VPS8: variants seen among roughly 807,000 people sequenced by gnomAD.
The protein encoded by VPS8 is vacuolar protein sorting-associated protein 8 homolog.
Under a neutral mutation model 216.4 loss-of-function variants are expected in VPS8, and 129 were observed. That is an observed-to-expected ratio of 0.60 (90% confidence interval 0.52 to 0.69). VPS8 has a LOEUF of 0.69. Ranked by LOEUF, VPS8 falls within the 30% of genes least tolerant of loss-of-function variation. The pLI is 0.00. For missense variants in VPS8, 1,531 were observed against 1,683.5 expected (o/e 0.91, Z 1.59); for synonymous variants, 571 against 565.4 (o/e 1.01, Z -0.14).
At chr3:184,867,896 C>T in intron 17 of VPS8, 128 bp from the exon 18 acceptor site, 1 of 906,022 alleles carries the variant, frequency 1.1e-6, no homozygotes, top group Non-Finnish European at 1.6e-6. Context: ...CTAAGATATA[C>T]TTCTAACTGT....
chr3:185,029,651 G>A (rs758894275), intron 46 of VPS8, among the ~76,000 whole-genome samples: 7 of 150,486 alleles, frequency 4.7e-5, no homozygotes, highest in African/African-American at 1.2e-4. Flanking sequence ...TGCAACCTCC[G>A]CCTCCCAGGT....
At chr3:184,910,003 T>A (rs1405795554) in intron 25 of VPS8, among the ~76,000 whole-genome samples, 4 of 152,120 alleles carry the variant, frequency 2.6e-5, no homozygotes, top group Non-Finnish European at 5.9e-5. Context: ...TCTCCTCAGG[T>A]CATTTCTGGA....
chr3:184,917,409 C>G (rs1332453035), intron 28 of VPS8, among the ~76,000 whole-genome samples: 1 of 152,072 alleles, frequency 6.6e-6, no homozygotes, highest in Admixed American at 6.5e-5. Context: ...TCTTTTCTTC[C>G]TTCCTTCCTT....
At chr3:184,832,993 G>C (rs558599932) in intron 4 of VPS8, among the ~76,000 whole-genome samples, 174 bp downstream of exon 4, 4 of 152,158 alleles carry the variant, frequency 2.6e-5, no homozygotes, top group African/African-American at 9.6e-5. Flanking sequence ...AAAAGGGTAG[G>C]TGCTATGACC....
intron 5 of VPS8, among the ~76,000 whole-genome samples, chr3:184,836,492 C>T (rs976875191): frequency 1.3e-5 from 2 of 152,314 alleles, no homozygotes; most frequent in East Asian, 3.9e-4. Flanking sequence ...AGTTCTCCTT[C>T]CCCTTGAAGA....
At chr3:184,988,046 T>C (rs1323187401) in intron 42 of VPS8, among the ~76,000 whole-genome samples, 1 of 152,248 alleles carries the variant, frequency 6.6e-6, no homozygotes, top group Non-Finnish European at 1.5e-5. Flanking sequence ...AAGGATTCTT[T>C]GTATATTTTG....
At chr3:185,017,846 G>A (rs533398231) in intron 45 of VPS8, among the ~76,000 whole-genome samples, 5 of 152,094 alleles carry the variant, frequency 3.3e-5, no homozygotes, top group African/African-American at 1.2e-4. Context: ...GGCCCTTCAT[G>A]ACGTTTCCCG....
chr3:184,844,919 A>C (rs1199669257), intron 8 of VPS8, among the ~76,000 whole-genome samples: 3 of 152,218 alleles, frequency 2.0e-5, no homozygotes, highest in African/African-American at 7.2e-5. Context: ...TTTCATAGGC[A>C]AAACTCTTTG....
chr3:184,997,444 G>A (rs912512559), intron 44 of VPS8, among the ~76,000 whole-genome samples: 2 of 152,234 alleles, frequency 1.3e-5, no homozygotes, highest in Non-Finnish European at 2.9e-5. Flanking sequence ...AGCACTATCT[G>A]AGTGTTACAT....
intron 14 of VPS8, among the ~76,000 whole-genome samples, chr3:184,857,010 T>A (rs1725383417): frequency 2.0e-5 from 3 of 152,200 alleles, no homozygotes; most frequent in Admixed American, 2.0e-4. Flanking sequence ...GTGTGAGCCA[T>A]TGTGCTTGGC....
chr3:184,910,128 A>ATTTTTTTTTTTTT (rs10707371), intron 25 of VPS8, among the ~76,000 whole-genome samples: 1 of 87,262 alleles, frequency 1.1e-5, no homozygotes, highest in Non-Finnish European at 2.3e-5. Context: ...AGATTCTCCT[A>ATTTTTTTTTTTTT]TTTTTTTTTT....
At chr3:184,870,632 A>C (rs2305239) in intron 20 of VPS8, 84 bp from the exon 21 acceptor site, 402,302 of 960,656 alleles carry the variant, frequency 0.42, 90,560 homozygotes, top group African/African-American at 0.72. Flanking sequence ...AATTCTAATT[A>C]TGTATTATTT....
chr3:184,898,701 C>A, intron 24 of VPS8, 47 bp downstream of exon 24: 1 of 1,361,736 alleles, frequency 7.3e-7, no homozygotes, highest in Non-Finnish European at 1.0e-6. Flanking sequence ...TGTCTACTAA[C>A]TTTTTTCTCC....
chr3:184,845,978 A>T (rs1427979277), intron 8 of VPS8, among the ~76,000 whole-genome samples: 1 of 152,118 alleles, frequency 6.6e-6, no homozygotes, highest in African/African-American at 2.4e-5. Context: ...GCATTATCTT[A>T]CTTTACTCAT....
At chr3:184,950,397 T>C (rs918298798) in intron 36 of VPS8, among the ~76,000 whole-genome samples, 6 of 151,628 alleles carry the variant, frequency 4.0e-5, no homozygotes, top group Non-Finnish European at 5.9e-5. Context: ...TGGACCTAAA[T>C]TGTAAAAGCA....
At chr3:184,846,634 C>T (rs1577868488) in intron 8 of VPS8, among the ~76,000 whole-genome samples, 1 of 152,256 alleles carries the variant, frequency 6.6e-6, no homozygotes, top group Non-Finnish European at 1.5e-5. Context: ...AAAGGATCTT[C>T]GCAGTATGCT....
In VPS8 at chr3:185,024,762, G is replaced by A. The variant is rs184225256; in HGVS notation, c.4056+373G>A. ...TCATGCCTGTAATCCCAGCACTTTG[G>A]GAGGCTGAGGTGGATGGATCATCTG... On this transcript the variant is annotated intron_variant, in intron 46 of 47. Coordinates refer to ENST00000625842, the MANE Select transcript of VPS8 (RefSeq NM_001009921.3). Among the ~76,000 whole-genome samples the A allele has an allele frequency of 1.2e-3, 177 of 152,290 alleles. 1 individual carries two copies. Among genetic ancestry groups the A allele is most frequent in the South Asian group, 5.2e-3 (25 of 4,828 alleles).
chr3:184,894,254 G>A (rs892882770), intron 22 of VPS8, among the ~76,000 whole-genome samples: 7 of 152,196 alleles, frequency 4.6e-5, no homozygotes, highest in African/African-American at 1.2e-4. Context: ...TAAATCATGA[G>A]TAGTCCTTTT....
intron 21 of VPS8, among the ~76,000 whole-genome samples, chr3:184,873,280 C>T (rs1336226479): frequency 1.3e-5 from 2 of 151,852 alleles, no homozygotes; most frequent in African/African-American, 2.4e-5. Context: ...ACTTCAAAGC[C>T]CAGTTCTTAG....
Sources: allele counts gnomAD v4.1 joint callset (sites outside exome capture counted in the v4.1 genomes callset), GRCh38; gene constraint gnomAD v4.1.1; transcripts MANE v1.5; gene names NCBI Gene and HGNC (gene_info 2026-07-23, HGNC 2026-07-21).